The following GALNTL6 variants were observed in gnomAD, a reference collection of about 807,000 sequenced individuals.
The protein encoded by GALNTL6 is polypeptide N-acetylgalactosaminyltransferase like 6, also known as polypeptide N-acetylgalactosaminyltransferase-like 6.
A neutral mutation model predicts 73.7 loss-of-function variants in GALNTL6; 46 were observed. The ratio of observed to expected loss-of-function variants is 0.62; its 90% CI spans 0.49 to 0.80. The LOEUF is 0.80. Among genes scored for constraint, GALNTL6 ranks in the 30% least tolerant of loss-of-function variants. The pLI is 0.00. For synonymous variants in GALNTL6, 259 were observed against 263.7 expected (o/e 0.98, Z 0.17); for missense variants, 604 against 755.0 (o/e 0.80, Z 2.34).
chr4:172,213,491 A>G (rs1486395839), intron 2 of GALNTL6, among the ~76,000 whole-genome samples: 2 of 152,194 alleles, frequency 1.3e-5, no homozygotes, highest in Admixed American at 1.3e-4. Flanking sequence ...ATTAAAATTG[A>G]AACTTGCAAT....
At chr4:172,229,274 T>C (rs754542913) in intron 2 of GALNTL6, among the ~76,000 whole-genome samples, 24 of 152,116 alleles carry the variant, frequency 1.6e-4, no homozygotes, top group Admixed American at 3.9e-4. Flanking sequence ...TCAAAATAAA[T>C]AAAACTGTAC....
chr4:171,961,567 C>A (rs996622975), intron 2 of GALNTL6, among the ~76,000 whole-genome samples: 54 of 152,160 alleles, frequency 3.5e-4, no homozygotes, highest in African/African-American at 1.2e-3. Context: ...TATAATAAAG[C>A]AAATCAGTCT....
rs187535018 is a variant in GALNTL6, at chr4:171,852,113, A to G, written c.138+37395A>G. Among the ~76,000 whole-genome samples the G allele has an allele frequency of 1.6e-4, 25 of 152,378 alleles. No individual in the cohort carries two copies. The East Asian group carries it at 3.3e-3, about 20-fold the overall frequency. On this transcript the variant is annotated intron_variant, in intron 2 of 12. Coordinates refer to ENST00000506823, the MANE Select transcript of GALNTL6 (RefSeq NM_001034845.3). ...AGTAGGAATATATCAGAAAATATCTAAAGGTACTGTAATTACTGAAATACA... is the reference window on the plus strand; with the variant it reads ...AGTAGGAATATATCAGAAAATATCTGAAGGTACTGTAATTACTGAAATACA...
At chr4:172,997,109 C>A (rs1751829968) in intron 10 of GALNTL6, among the ~76,000 whole-genome samples, 1 of 152,194 alleles carries the variant, frequency 6.6e-6, no homozygotes, top group African/African-American at 2.4e-5. Flanking sequence ...TACCAGACTC[C>A]AATCCTATTT....
At chr4:172,956,931 G>A (rs371896397) in intron 10 of GALNTL6, among the ~76,000 whole-genome samples, 7 of 152,228 alleles carry the variant, frequency 4.6e-5, no homozygotes, top group South Asian at 2.1e-4. Context: ...AGTAAAGGCC[G>A]ATCTGTTATA....
chr4:172,024,756 A>G (rs1741504264), intron 2 of GALNTL6, among the ~76,000 whole-genome samples: 1 of 151,960 alleles, frequency 6.6e-6, no homozygotes, highest in Non-Finnish European at 1.5e-5. Context: ...AACAACCAGT[A>G]TAGATTTTTG....
intron 2 of GALNTL6, among the ~76,000 whole-genome samples, chr4:172,189,133 C>T (rs976830847): frequency 1.3e-5 from 2 of 152,088 alleles, no homozygotes; most frequent in Non-Finnish European, 2.9e-5. Flanking sequence ...AAAATGTATA[C>T]ACTTCACCAT....
chr4:172,106,800 T>G (rs1471598237), intron 2 of GALNTL6, among the ~76,000 whole-genome samples: 1 of 152,210 alleles, frequency 6.6e-6, no homozygotes, highest in East Asian at 1.9e-4. Flanking sequence ...GGACCAACTA[T>G]AGTGAATAAT....
At chr4:172,375,414 G>A (rs928817958) in intron 5 of GALNTL6, among the ~76,000 whole-genome samples, 3 of 152,176 alleles carry the variant, frequency 2.0e-5, no homozygotes, top group Non-Finnish European at 4.4e-5. Flanking sequence ...GGTCCCAATA[G>A]CTTTGGATGC....
intron 12 of GALNTL6, among the ~76,000 whole-genome samples, chr4:173,034,619 C>T (rs1006670016): frequency 2.0e-5 from 3 of 152,186 alleles, no homozygotes; most frequent in African/African-American, 4.8e-5. Flanking sequence ...GTCTGAGACT[C>T]TTTGCATGGT....
intron 2 of GALNTL6, among the ~76,000 whole-genome samples, chr4:172,184,242 GT>G (rs1735349351): frequency 6.6e-6 from 1 of 152,144 alleles, no homozygotes; most frequent in South Asian, 2.1e-4. Flanking sequence ...CCCTCTAGGA[GT>G]GGGTATTTCC....
At chr4:172,654,724 C>A (rs1730890111) in intron 5 of GALNTL6, among the ~76,000 whole-genome samples, 1 of 152,172 alleles carries the variant, frequency 6.6e-6, no homozygotes, top group African/African-American at 2.4e-5. Flanking sequence ...TTAAGAGAAA[C>A]AAGCAAACCC....
At chr4:171,950,935 A>G (rs1394914825) in intron 2 of GALNTL6, among the ~76,000 whole-genome samples, 1 of 152,224 alleles carries the variant, frequency 6.6e-6, no homozygotes, top group Non-Finnish European at 1.5e-5. Context: ...AGGAAGAAAA[A>G]TATAAAATAC....
At chr4:172,068,662 G>A (rs1456688260) in intron 2 of GALNTL6, among the ~76,000 whole-genome samples, 1 of 109,696 alleles carries the variant, frequency 9.1e-6, no homozygotes. Flanking sequence ...CACATTAATA[G>A]ACACAATGTG....
chr4:172,447,468 T>C (rs1732063682), intron 5 of GALNTL6, among the ~76,000 whole-genome samples: 1 of 152,174 alleles, frequency 6.6e-6, no homozygotes, highest in African/African-American at 2.4e-5. Context: ...CATTTCCCCA[T>C]ACTTACAGAA....
intron 2 of GALNTL6, among the ~76,000 whole-genome samples, chr4:171,949,734 G>A (rs6553603): frequency 0.31 from 46,662 of 151,960 alleles, 8,789 homozygotes; most frequent in African/African-American, 0.54. Flanking sequence ...CACACAATGA[G>A]TAAGTTAAGT....
At chr4:172,096,535 T>TTA (rs1732363610) in intron 2 of GALNTL6, among the ~76,000 whole-genome samples, 1 of 123,228 alleles carries the variant, frequency 8.1e-6, no homozygotes, top group South Asian at 2.4e-4. Context: ...ACAGCCCTTT[T>TTA]TATAAAAAAA....
intron 5 of GALNTL6, among the ~76,000 whole-genome samples, chr4:172,364,914 A>G (rs943143618): frequency 4.6e-5 from 7 of 152,226 alleles, no homozygotes; most frequent in Non-Finnish European, 8.8e-5. Context: ...TTAAAACTGC[A>G]AATGTATGTC....
intron 10 of GALNTL6, among the ~76,000 whole-genome samples, chr4:172,977,430 A>C (rs2126423095): frequency 6.6e-6 from 1 of 152,286 alleles, no homozygotes; most frequent in South Asian, 2.1e-4. Context: ...TACTGAGTGG[A>C]TCATTGTGGA....
Sources: allele counts gnomAD v4.1 joint callset (sites outside exome capture counted in the v4.1 genomes callset), GRCh38; gene constraint gnomAD v4.1.1; transcripts MANE v1.5; gene names NCBI Gene and HGNC (gene_info 2026-07-23, HGNC 2026-07-21).